Variants in LNX1 observed in about 807,000 individuals in gnomAD.
LNX1 encodes ligand of numb-protein X 1.
In LNX1, 54 loss-of-function variants were observed where a neutral mutation model predicts 68.4. That is an observed-to-expected ratio of 0.79 (90% CI 0.63 to 0.99). LNX1 has a LOEUF of 0.99. Among genes scored for constraint, LNX1 ranks in the 50% least tolerant of loss-of-function variants. The pLI is 0.00. For synonymous variants in LNX1, 336 were observed against 350.0 expected, an observed-to-expected ratio of 0.96 and a Z score of 0.45; for missense variants, 906 against 926.4, an observed-to-expected ratio of 0.98 and a Z score of 0.29.
intron 4 of LNX1, among the ~76,000 whole-genome samples, chr4:53,506,140 T>C (rs1347060249): frequency 6.6e-6 from 1 of 152,214 alleles, no homozygotes; most frequent in African/African-American, 2.4e-5. Context: ...GAGAGTAGGC[T>C]CTGGAACCAG....
chr4:53,554,068 C>T (rs539231107), intron 2 of LNX1, among the ~76,000 whole-genome samples: 4 of 152,306 alleles, frequency 2.6e-5, no homozygotes, highest in South Asian at 2.1e-4. Context: ...AGACGGATGA[C>T]GTCCTTTCTT....
chr4:53,569,262 A>C (rs1376688617), intron 2 of LNX1, among the ~76,000 whole-genome samples: 1 of 150,716 alleles, frequency 6.6e-6, no homozygotes, highest in African/African-American at 2.4e-5. Context: ...ACTTCAAACT[A>C]TACTACAAGG....
chr4:53,469,725 A>G (rs1016091093), intron 9 of LNX1, among the ~76,000 whole-genome samples: 2 of 152,258 alleles, frequency 1.3e-5, no homozygotes, highest in African/African-American at 4.8e-5. Context: ...CTATGCAAAT[A>G]AACTAGAAAA....
chr4:53,488,776 C>A (rs1724492759), intron 6 of LNX1, among the ~76,000 whole-genome samples: 1 of 152,076 alleles, frequency 6.6e-6, no homozygotes, highest in African/African-American at 2.4e-5. Context: ...GCCATACAGA[C>A]CTTACATGAC....
At position 53,476,738 on chromosome 4, in the gene LNX1, T is replaced by A; in HGVS notation, c.1892+15A>T. On this transcript the variant is annotated intron_variant, in intron 9 of 10. Coordinates refer to ENST00000263925, the MANE Select transcript of LNX1 (RefSeq NM_001126328.3). Reference sequence around the variant, plus strand: ...TTCTCCCACGCCCCTACAGGGATGTTGTGTTTGGACTTACCGTGGTAATTC... The same window carrying A: ...TTCTCCCACGCCCCTACAGGGATGTAGTGTTTGGACTTACCGTGGTAATTC... The A allele has an allele frequency of 6.2e-7, 1 of 1,607,606 alleles. No individual in the cohort carries two copies. Among genetic ancestry groups the A allele is most frequent in the Non-Finnish European group, 8.5e-7 (1 of 1,174,006 alleles).
intron 6 of LNX1, among the ~76,000 whole-genome samples, chr4:53,488,698 A>G (rs1350149442): frequency 9.2e-5 from 14 of 152,202 alleles, no homozygotes; most frequent in African/African-American, 3.4e-4. Context: ...AAAGGTGACA[A>G]GGAGGTATTC....
chr4:53,528,411 CAT>C (rs1406231601), intron 2 of LNX1, among the ~76,000 whole-genome samples: 6 of 152,200 alleles, frequency 3.9e-5, no homozygotes, highest in Non-Finnish European at 2.9e-5. Flanking sequence ...CACTTCATCT[CAT>C]GTGGGCATTT....
In LNX1 at chr4:53,472,938, A is replaced by G. The variant is rs148623729; in HGVS notation, c.1892+3815T>C. On this transcript the variant is annotated intron_variant, in intron 9 of 10. Coordinates refer to ENST00000263925, the MANE Select transcript of LNX1 (RefSeq NM_001126328.3). ...TAAGAAGAGAATAACTGAGTTTGCTAGTTTCTGAGTTAAATGCTGGCCAAG... is the reference window on the plus strand; with the variant it reads ...TAAGAAGAGAATAACTGAGTTTGCTGGTTTCTGAGTTAAATGCTGGCCAAG... Among the ~76,000 whole-genome samples, 26 of 152,314 alleles carry G rather than the reference A, an allele frequency of 1.7e-4. No homozygotes were observed. The South Asian group carries it at 2.5e-3, about 15-fold the overall frequency.
intron 2 of LNX1, among the ~76,000 whole-genome samples, chr4:53,598,789 A>C (rs1732869146): frequency 6.6e-6 from 1 of 152,232 alleles, no homozygotes; most frequent in Non-Finnish European, 1.5e-5. Flanking sequence ...TTGGGAAGGG[A>C]GCTAACTTTA....
chr4:53,473,685 C>G (rs1233301943), intron 9 of LNX1, among the ~76,000 whole-genome samples: 1 of 152,048 alleles, frequency 6.6e-6, no homozygotes, highest in East Asian at 1.9e-4. Flanking sequence ...AGAGGATCAG[C>G]AAATATAACT....
chr4:53,582,163 CCT>C (rs1287631610), intron 1 of LNX1, among the ~76,000 whole-genome samples: 2 of 152,108 alleles, frequency 1.3e-5, no homozygotes, highest in African/African-American at 4.8e-5. Context: ...TTGATATTTT[CCT>C]TTTACCTGAC....
intron 2 of LNX1, among the ~76,000 whole-genome samples, chr4:53,605,825 A>G (rs909628786): frequency 2.6e-5 from 4 of 152,172 alleles, no homozygotes; most frequent in African/African-American, 7.2e-5. Flanking sequence ...TCATCTATCA[A>G]TGGACACTTT....
At chr4:53,491,218 A>G (rs1724654116) in intron 6 of LNX1, among the ~76,000 whole-genome samples, 2 of 152,148 alleles carry the variant, frequency 1.3e-5, no homozygotes, top group Admixed American at 6.5e-5. Flanking sequence ...GGGAGTTAAC[A>G]AGTGTAACAT....
intron 1 of LNX1, among the ~76,000 whole-genome samples, chr4:53,641,947 T>A (rs1459286807): frequency 1.3e-5 from 2 of 152,156 alleles, no homozygotes; most frequent in Non-Finnish European, 2.9e-5. Flanking sequence ...TTGGGTTGTT[T>A]CCAGTCTGAG....
At chr4:53,576,660 G>A (rs1006655666) in intron 1 of LNX1, among the ~76,000 whole-genome samples, 3 of 151,500 alleles carry the variant, frequency 2.0e-5, no homozygotes, top group Non-Finnish European at 4.4e-5. Flanking sequence ...AAAGAATCCT[G>A]CCTCTTCCCT....
chr4:53,650,495 C>T (rs1735055345), intron 1 of LNX1, among the ~76,000 whole-genome samples: 1 of 151,952 alleles, frequency 6.6e-6, no homozygotes, highest in African/African-American at 2.4e-5. Flanking sequence ...AAGGGAGTTA[C>T]AAATGTGGAA....
chr4:53,471,668 T>G (rs570965777), intron 9 of LNX1, among the ~76,000 whole-genome samples: 1 of 150,430 alleles, frequency 6.6e-6, no homozygotes, highest in South Asian at 2.1e-4. Context: ...CATCAAAAAG[T>G]GGGGAAAGGA....
intron 1 of LNX1, among the ~76,000 whole-genome samples, chr4:53,587,212 C>T (rs550398501): frequency 3.4e-4 from 52 of 152,256 alleles, no homozygotes; most frequent in African/African-American, 1.2e-3. Flanking sequence ...TCATGTCACA[C>T]AGAACAAAAT....
chr4:53,622,386 T>C (rs1733915779), upstream of LNX1, among the ~76,000 whole-genome samples: 1 of 152,066 alleles, frequency 6.6e-6, no homozygotes, highest in Non-Finnish European at 1.5e-5. Flanking sequence ...TGTCCCGGTG[T>C]CGCAGGAGTG....
Sources: gnomAD v4.1 joint callset for allele counts (sites outside exome capture counted in the v4.1 genomes callset) on GRCh38, gnomAD v4.1.1 for gene constraint, MANE v1.5 for transcripts, NCBI Gene and HGNC (gene_info 2026-07-23, HGNC 2026-07-21) for gene names.